SLC26A7: variants seen among roughly 807,000 people sequenced by gnomAD.
SLC26A7 encodes solute carrier family 26 member 7.
SLC26A7 carries 59 observed loss-of-function variants against 82.5 expected under a neutral mutation model. That is an observed-to-expected ratio of 0.72 (90% CI 0.58 to 0.89). The LOEUF (loss-of-function observed/expected upper bound fraction) is 0.89. Ranked by LOEUF, SLC26A7 falls within the 40% of genes least tolerant of loss-of-function variation. The probability of loss-of-function intolerance (pLI) is 0.00; values close to 1 mark genes in which losing one functional copy is unlikely to be tolerated. For synonymous variants in SLC26A7, 271 were observed against 274.3 expected (o/e 0.99, Z 0.12); for missense variants, 820 against 793.0 (o/e 1.03, Z -0.41).
chr8:91,362,568 C>T, intron 12 of SLC26A7, 109 bp downstream of exon 12: 1 of 695,086 alleles, frequency 1.4e-6, no homozygotes, highest in African/African-American at 1.8e-5. Context: ...ACATATAGTA[C>T]TACAATCTCA....
chr8:91,210,628 T>C (rs1476091573), intron 1 of SLC26A7, among the ~76,000 whole-genome samples: 1 of 150,842 alleles, frequency 6.6e-6, no homozygotes, highest in Non-Finnish European at 1.5e-5. Context: ...GGAAACAAGC[T>C]TGGAAGCAAG....
At chr8:91,296,869 C>T (rs535901894) in intron 4 of SLC26A7, among the ~76,000 whole-genome samples, 1 of 152,256 alleles carries the variant, frequency 6.6e-6, no homozygotes, top group South Asian at 2.1e-4. Flanking sequence ...CTGAGGCTTG[C>T]ACAGACAGGC....
At chr8:91,212,596 T>C (rs1809951343) in intron 1 of SLC26A7, among the ~76,000 whole-genome samples, 1 of 152,214 alleles carries the variant, frequency 6.6e-6, no homozygotes, top group Non-Finnish European at 1.5e-5. Flanking sequence ...ATTTTACTCA[T>C]TACTTATAAA....
chr8:91,268,627 C>G (rs767850301), intron 2 of SLC26A7, among the ~76,000 whole-genome samples: 4 of 151,676 alleles, frequency 2.6e-5, no homozygotes, highest in Non-Finnish European at 5.9e-5. Context: ...GACACACTGT[C>G]TGTGTGTCTT....
intron 11 of SLC26A7, among the ~76,000 whole-genome samples, chr8:91,354,011 A>G (rs1317138654): frequency 6.6e-6 from 1 of 152,110 alleles, no homozygotes; most frequent in African/African-American, 2.4e-5. Flanking sequence ...ACTGATTAAC[A>G]TGAAAGACTC....
At chr8:91,227,736 C>G (rs2130670482) in intron 2 of SLC26A7, among the ~76,000 whole-genome samples, 1 of 152,260 alleles carries the variant, frequency 6.6e-6, no homozygotes, top group South Asian at 2.1e-4. Context: ...TCTTTCTTAA[C>G]ATATTTATTA....
At chr8:91,260,350 A>G (rs567507417) in intron 2 of SLC26A7, among the ~76,000 whole-genome samples, 28 of 152,204 alleles carry the variant, frequency 1.8e-4, no homozygotes, top group African/African-American at 6.7e-4. Context: ...TGATCTAATC[A>G]CCTCCTACCA....
chr8:91,265,927 G>A (rs1811100324), intron 2 of SLC26A7, among the ~76,000 whole-genome samples: 1 of 151,954 alleles, frequency 6.6e-6, no homozygotes, highest in South Asian at 2.1e-4. Context: ...CTATGCAGAA[G>A]CTTTTTAGTT....
In SLC26A7 at chr8:91,395,218, C is replaced by T. The variant is rs10504905; in HGVS notation, c.*121C>T. On this transcript the variant is annotated 3_prime_UTR_variant, in exon 19 of 19. Coordinates refer to ENST00000276609, the MANE Select transcript of SLC26A7 (RefSeq NM_052832.4). ...CAGATGACCTCTGCTACAATAAGTA[C>T]GATGTGACTTAGTAACTGCATAGCA... The T allele has an allele frequency of 0.062, 94,634 of 1,521,970 alleles. 3,583 individuals carry two copies. Among genetic ancestry groups the T allele is most frequent in the African/African-American group, 0.17 (11,872 of 71,818 alleles). 94.3% of individuals were successfully genotyped at this position (1,521,970 alleles called of 1,614,324 possible).
rs1808570960 is a variant in SLC26A7, at chr8:91,396,264, T to C, written c.*1167T>C. Reference sequence around the variant, plus strand: ...AATTGATTTACCTAGGAAAAAATTATCACCTTCAAAGATAGGCATAGACAC... The same window carrying C: ...AATTGATTTACCTAGGAAAAAATTACCACCTTCAAAGATAGGCATAGACAC... On this transcript the variant is annotated 3_prime_UTR_variant, in exon 19 of 19. Transcript: ENST00000276609. 1 of 152,076 alleles carries C rather than the reference T, an allele frequency of 6.6e-6. No homozygotes were observed. The highest frequency in any genetic ancestry group is 1.5e-5 in the Non-Finnish European group (1 of 67,920). 9.4% of individuals were successfully genotyped at this position (152,076 alleles called of 1,614,324 possible). A position where few individuals can be genotyped will look rare whatever the true frequency, so the allele number is the denominator to read the frequency against.
At position 91,249,340 on chromosome 8, in the gene SLC26A7, C is replaced by A. The variant is rs1371346289; in HGVS notation, c.-187C>A. The A allele has an allele frequency of 2.6e-5, 5 of 194,134 alleles. No homozygotes were observed. The highest frequency in any genetic ancestry group is 2.4e-4 in the East Asian group (2 of 8,238). 12.0% of individuals were successfully genotyped at this position (194,134 alleles called of 1,614,324 possible). A position where few individuals can be genotyped will look rare whatever the true frequency, so the allele number is the denominator to read the frequency against. On this transcript the variant is annotated 5_prime_UTR_variant, in exon 1 of 19. Coordinates refer to ENST00000276609, the MANE Select transcript of SLC26A7 (RefSeq NM_052832.4). Reference sequence around the variant, plus strand: ...AGCTGTAGACCAACTTAACACTGAACCCATTACTTTTCCAAGACCAGAAAA... The same window carrying A: ...AGCTGTAGACCAACTTAACACTGAAACCATTACTTTTCCAAGACCAGAAAA...
At chr8:91,296,743 GTGGACCAA>G (rs1192784269) in intron 4 of SLC26A7, among the ~76,000 whole-genome samples, 2 of 152,196 alleles carry the variant, frequency 1.3e-5, no homozygotes, top group African/African-American at 4.8e-5. Context: ...GACCAGACTG[GTGGACCAA>G]TCAGTATTTT....
chr8:91,339,451 C>T (rs890402179), intron 7 of SLC26A7, among the ~76,000 whole-genome samples: 8 of 152,038 alleles, frequency 5.3e-5, no homozygotes, highest in African/African-American at 1.9e-4. Context: ...AATAAATTAC[C>T]TAACCTTTCT....
intron 2 of SLC26A7, among the ~76,000 whole-genome samples, chr8:91,286,621 C>G (rs903812521): frequency 3.9e-5 from 6 of 151,960 alleles, no homozygotes; most frequent in Non-Finnish European, 8.8e-5. Context: ...AATATTTTTC[C>G]CCGAAATAGT....
chr8:91,320,091 G>C (rs1812749438), intron 5 of SLC26A7, among the ~76,000 whole-genome samples: 1 of 151,992 alleles, frequency 6.6e-6, no homozygotes, highest in South Asian at 2.1e-4. Flanking sequence ...CTTGGGACGA[G>C]TCTCACTTGT....
intron 2 of SLC26A7, among the ~76,000 whole-genome samples, chr8:91,288,819 G>A (rs1382858692): frequency 6.6e-6 from 1 of 152,160 alleles, no homozygotes; most frequent in Non-Finnish European, 1.5e-5. Flanking sequence ...AAATTTTAGT[G>A]TGCCTGGAGA....
intron 5 of SLC26A7, among the ~76,000 whole-genome samples, chr8:91,319,598 A>G (rs1199596133): frequency 2.0e-5 from 3 of 152,252 alleles, no homozygotes. Flanking sequence ...TGGAAGCAAC[A>G]TAATTCCAAG....
intron 2 of SLC26A7, among the ~76,000 whole-genome samples, chr8:91,286,303 G>A (rs942838194): frequency 2.6e-5 from 4 of 152,178 alleles, no homozygotes; most frequent in Non-Finnish European, 5.9e-5. Flanking sequence ...TGGTGATTTT[G>A]ATATGGGAAT....
chr8:91,271,590 CTTTTT>C (rs67904308), intron 2 of SLC26A7, among the ~76,000 whole-genome samples: 18 of 113,710 alleles, frequency 1.6e-4, no homozygotes, highest in Admixed American at 3.7e-4. Context: ...CTAGAGAAAT[CTTTTT>C]TTTTTTTTTT....
Sources: gnomAD v4.1 joint callset for allele counts (sites outside exome capture counted in the v4.1 genomes callset) on GRCh38, gnomAD v4.1.1 for gene constraint, MANE v1.5 for transcripts, NCBI Gene and HGNC (gene_info 2026-07-23, HGNC 2026-07-21) for gene names.